The following ATP6V1C1 variants were observed in gnomAD, a reference collection of about 807,000 sequenced individuals.
ATP6V1C1 encodes V-type proton ATPase subunit C 1.
In ATP6V1C1, 45 loss-of-function variants were observed where a neutral mutation model predicts 53.9. The ratio of observed to expected loss-of-function variants is 0.83; its 90% CI spans 0.66 to 1.07. The LOEUF is 1.07. Among genes scored for constraint, ATP6V1C1 ranks in the 50% least tolerant of loss-of-function variants. ATP6V1C1 has a pLI of 0.00. For missense variants in ATP6V1C1, 315 were observed against 440.3 expected (o/e 0.72, Z 2.55); for synonymous variants, 153 against 155.2 (o/e 0.99, Z 0.11).
chr8:103,026,405 T>G (rs1253321249), intron 1 of ATP6V1C1, among the ~76,000 whole-genome samples: 1 of 152,226 alleles, frequency 6.6e-6, no homozygotes, highest in Non-Finnish European at 1.5e-5. Flanking sequence ...GCCTTTCATA[T>G]TTAAGTATAT....
chr8:103,025,347 G>A (rs1442806512), intron 1 of ATP6V1C1, among the ~76,000 whole-genome samples: 1 of 152,138 alleles, frequency 6.6e-6, no homozygotes, highest in Non-Finnish European at 1.5e-5. Context: ...AACCCAAAAT[G>A]CTCCCATACA....
intron 3 of ATP6V1C1, among the ~76,000 whole-genome samples, chr8:103,043,915 G>C (rs1013773108): frequency 1.3e-5 from 2 of 152,082 alleles, no homozygotes; most frequent in Non-Finnish European, 2.9e-5. Flanking sequence ...TTGAGACAGA[G>C]TCTCGCTCTG....
chr8:103,052,186 AG>A (rs1817212470), intron 5 of ATP6V1C1, among the ~76,000 whole-genome samples: 1 of 152,080 alleles, frequency 6.6e-6, no homozygotes, highest in Non-Finnish European at 1.5e-5. Flanking sequence ...ATAATGCTAG[AG>A]CTATGTTAAA....
intron 1 of ATP6V1C1, 102 bp from the exon 2 acceptor site, chr8:103,040,696 G>A (rs907322367): frequency 1.9e-6 from 2 of 1,034,522 alleles, no homozygotes; most frequent in Non-Finnish European, 2.7e-6. Context: ...CATTAGATTA[G>A]TTTTGAAACA....
chr8:103,056,389 G>A (rs920714565), intron 8 of ATP6V1C1, among the ~76,000 whole-genome samples: 2 of 151,498 alleles, frequency 1.3e-5, no homozygotes, highest in African/African-American at 2.4e-5. Context: ...CCATCACTTT[G>A]AGCTTAGATT....
chr8:103,042,605 T>C (rs1056619207), intron 3 of ATP6V1C1, among the ~76,000 whole-genome samples, 198 bp downstream of exon 3: 15 of 152,226 alleles, frequency 9.9e-5, no homozygotes, highest in Non-Finnish European at 2.1e-4. Context: ...AAATGCTGAT[T>C]CTCTTTTTAC....
At chr8:103,027,098 A>G (rs997102187) in intron 1 of ATP6V1C1, among the ~76,000 whole-genome samples, 1 of 152,206 alleles carries the variant, frequency 6.6e-6, no homozygotes, top group South Asian at 2.1e-4. Flanking sequence ...GGATTGTGGT[A>G]AATGTTTCGC....
intron 1 of ATP6V1C1, among the ~76,000 whole-genome samples, chr8:103,037,313 G>A (rs76674755): frequency 0.073 from 11,041 of 151,780 alleles, 484 homozygotes; most frequent in East Asian, 0.13. Context: ...ATTGACCCCC[G>A]AAATACTTTT....
intron 4 of ATP6V1C1, 67 bp downstream of exon 4, chr8:103,049,022 AAAAGT>A (rs1384637420): frequency 3.5e-6 from 5 of 1,434,688 alleles, no homozygotes; most frequent in Non-Finnish European, 4.8e-6. Context: ...TACAGAAACA[AAAAGT>A]AATGTAAAAA....
At position 103,070,337 on chromosome 8, in the gene ATP6V1C1, G is replaced by A. The variant is rs1360531532; in HGVS notation, c.*1590G>A. 6.6e-6 allele frequency: 1 copy of A among 152,206 alleles called. No individual in the cohort carries two copies. Among genetic ancestry groups the A allele is most frequent in the Non-Finnish European group, 1.5e-5 (1 of 68,044 alleles). The allele number at this position is 152,206 out of a possible 1,614,324, so 9.4% of individuals were successfully genotyped here. A position where few individuals can be genotyped will look rare whatever the true frequency, so the allele number is the denominator to read the frequency against. The stretch of plus-strand genomic sequence containing the variant: ...AGTATTTCTGTAAGATCTGAGAAGT[G>A]GAATTTGTAGGGTCATAGGTTATGT... On this transcript the variant is annotated 3_prime_UTR_variant, in exon 13 of 13. Coordinates refer to ENST00000518738, the MANE Select transcript of ATP6V1C1 (RefSeq NM_001695.5).
rs1159055217 is a variant in ATP6V1C1 at position 103,040,935 on chromosome 8, T to C, written c.99T>C (p.Ala33=). ...CAACTTCAAAGAACAATAATCTTGC[T>C]GTCACTTCCAAGTTCAATATTCCTG... ...HAATSKNNNL[A]VTSKFNIPDL... is the part of the protein sequence containing the mutation. Residue 33 remains alanine (A), a synonymous_variant, in exon 2 of 13, where the codon GCT becomes GCC. Transcript: ENST00000518738. 4 of 1,614,000 alleles carry C rather than the reference T, an allele frequency of 2.5e-6. No individual in the cohort carries two copies. The highest frequency in any genetic ancestry group is 1.7e-5 in the Admixed American group (1 of 60,008).
At chr8:103,035,492 A>G (rs1586311349) in intron 1 of ATP6V1C1, among the ~76,000 whole-genome samples, 1 of 152,304 alleles carries the variant, frequency 6.6e-6, no homozygotes, top group African/African-American at 2.4e-5. Context: ...TATAAAAATG[A>G]GGGAGAATAC....
intron 1 of ATP6V1C1, among the ~76,000 whole-genome samples, chr8:103,036,905 A>G (rs542870411): frequency 3.3e-5 from 5 of 152,198 alleles, no homozygotes; most frequent in Non-Finnish European, 7.3e-5. Flanking sequence ...GTATCCTTTG[A>G]TATACTAACA....
At chr8:103,047,465 T>A (rs1370480482) in intron 3 of ATP6V1C1, among the ~76,000 whole-genome samples, 1 of 45,684 alleles carries the variant, frequency 2.2e-5, no homozygotes, top group Non-Finnish European at 4.7e-5. Flanking sequence ...CACACACACA[T>A]TTTTTTTTTA....
chr8:103,022,835 G>A (rs1373909184), intron 1 of ATP6V1C1, among the ~76,000 whole-genome samples: 2 of 152,106 alleles, frequency 1.3e-5, no homozygotes, highest in South Asian at 2.1e-4. Context: ...GATTGCCTGA[G>A]GCCAGGAGTT....
At chr8:103,031,134 A>G (rs1816790236) in intron 1 of ATP6V1C1, among the ~76,000 whole-genome samples, 1 of 152,216 alleles carries the variant, frequency 6.6e-6, no homozygotes, top group Admixed American at 6.5e-5. Flanking sequence ...TCAGTGTTTT[A>G]ACAGAAAACA....
chr8:103,023,896 AT>A (rs1000204091), intron 1 of ATP6V1C1, among the ~76,000 whole-genome samples: 17 of 143,920 alleles, frequency 1.2e-4, no homozygotes, highest in African/African-American at 2.8e-4. Context: ...TTGATTCAGC[AT>A]TTTTTTTTGG....
In ATP6V1C1 at chr8:103,048,853, T is replaced by C. The variant is rs1330946633; in HGVS notation, c.201-17T>C. 6 of 1,601,178 alleles carry C rather than the reference T, an allele frequency of 3.7e-6. No individual in the cohort carries two copies. The highest frequency in any genetic ancestry group is 4.3e-6 in the Non-Finnish European group (5 of 1,170,734). On this transcript the variant is annotated splice_polypyrimidine_tract_variant and intron_variant, in intron 3 of 12. Transcript: ENST00000518738. ...TCTTTTTCCTGAGAATGGTTGTTGA[T>C]ATTTTTTCTTCCCCAGAGTGGTTAA...
At chr8:103,059,875 C>T (rs1173835468) in intron 8 of ATP6V1C1, among the ~76,000 whole-genome samples, 1 of 65,580 alleles carries the variant, frequency 1.5e-5, no homozygotes, top group Non-Finnish European at 3.1e-5. Context: ...CTGCCCCCAG[C>T]ACGCACACAC....
Sources: allele counts gnomAD v4.1 joint callset (sites outside exome capture counted in the v4.1 genomes callset), GRCh38; gene constraint gnomAD v4.1.1; transcripts MANE v1.5; gene names NCBI Gene and HGNC (gene_info 2026-07-23, HGNC 2026-07-21).